Variants in CCDC15 observed in about 807,000 individuals in gnomAD.
CCDC15 encodes coiled-coil domain containing 15, also known as coiled-coil domain-containing protein 15.
A neutral mutation model predicts 114.5 loss-of-function variants in CCDC15; 105 were observed. That is an observed-to-expected ratio of 0.92 (90% CI 0.78 to 1.08). The LOEUF (loss-of-function observed/expected upper bound fraction) is 1.08, where lower values mean the gene tolerates loss of function less well. CCDC15 is among the 50% of genes least tolerant of loss of function. The pLI, the probability that CCDC15 is intolerant of heterozygous loss-of-function variation, is 0.00. For synonymous variants in CCDC15, 334 were observed against 377.8 expected, an observed-to-expected ratio of 0.88 and a Z score of 1.34; for missense variants, 1,105 against 1,093.6, an observed-to-expected ratio of 1.01 and a Z score of -0.15.
rs1948567601 is a variant in CCDC15, at chr11:125,008,625, G to A, written c.2411+3413G>A. 2.0e-5 allele frequency among the ~76,000 whole-genome samples: 3 copies of A among 152,296 alleles called. No individual in the cohort carries two copies. In the South Asian group the frequency reaches 6.2e-4, roughly 32 times the overall value. ...CTTACAGTTTCTTACCATCAAGTAT[G>A]ATGTTAGCTGTACATTTTTTGTAGA... On this transcript the variant is annotated intron_variant, in intron 13 of 15. Transcript: ENST00000344762.
At chr11:124,971,958 C>T (rs973251141) in intron 4 of CCDC15, among the ~76,000 whole-genome samples, 3 of 152,052 alleles carry the variant, frequency 2.0e-5, no homozygotes, top group Admixed American at 6.6e-5. Flanking sequence ...TTTCCACTCC[C>T]GTCCTCTCTT....
chr11:125,024,102 A>G (rs2135537377), intron 13 of CCDC15, among the ~76,000 whole-genome samples: 1 of 152,182 alleles, frequency 6.6e-6, no homozygotes, highest in Admixed American at 6.6e-5. Flanking sequence ...TCATTCATAT[A>G]TATGTGTGTT....
At chr11:124,987,018 T>C in intron 7 of CCDC15, 109 bp from the exon 8 acceptor site, 2 of 1,370,860 alleles carry the variant, frequency 1.5e-6, no homozygotes, top group East Asian at 2.6e-5. Context: ...CATTTTGTTC[T>C]AGTAATTTGC....
Position 124,987,578 on chromosome 11 carries a change from C to A in CCDC15, c.1352C>A (p.Pro451His), listed in dbSNP as rs747326347. The change falls in exon 8 of 16, where the codon CCC (proline) becomes CAC (histidine). Residue 451 changes from proline (P) to histidine (H), a missense_variant. Physicochemically the swap from Pro to His is moderately conservative, Grantham distance 77. Transcript: ENST00000344762. ...LLKYQDQDFL[P>H]RDQHVLHKDQ... is the part of the protein sequence containing the mutation. ...AAATATCAGGACCAGGACTTCCTAC[C>A]CAGAGACCAGCATGTTCTCCACAAA... 5.6e-5 allele frequency: 90 copies of A among 1,613,892 alleles called. No homozygotes were observed. The highest frequency in any genetic ancestry group is 7.6e-5 in the Non-Finnish European group (90 of 1,179,910).
chr11:125,002,248 T>C (rs144592678), intron 11 of CCDC15, among the ~76,000 whole-genome samples: 39 of 152,310 alleles, frequency 2.6e-4, no homozygotes, highest in African/African-American at 9.4e-4. Flanking sequence ...AATTGGGTTA[T>C]TTGCGTTATG....
intron 13 of CCDC15, among the ~76,000 whole-genome samples, chr11:125,020,211 G>T (rs937402716): frequency 2.6e-5 from 4 of 151,928 alleles, no homozygotes; most frequent in Non-Finnish European, 5.9e-5. Context: ...TCCTTGAGAA[G>T]TTATTTTTCC....
rs574489912 is a variant in CCDC15, at chr11:125,020,920, A to G, written c.2411+15708A>G. ...CCTGTGAATCTGACCAAAGCTGTGGATTTTTTTTTTCCTAGGAGAATACCT... is the reference window on the plus strand; with the variant it reads ...CCTGTGAATCTGACCAAAGCTGTGGGTTTTTTTTTTCCTAGGAGAATACCT... On this transcript the variant is annotated intron_variant, in intron 13 of 15. Coordinates refer to ENST00000344762, the MANE Select transcript of CCDC15 (RefSeq NM_025004.3). Among the ~76,000 whole-genome samples the G allele has an allele frequency of 4.0e-4, 60 of 150,138 alleles. 1 individual carries two copies. The highest frequency in any genetic ancestry group is 1.5e-3 in the African/African-American group (60 of 41,052).
At chr11:125,015,061 A>T (rs966837420) in intron 13 of CCDC15, among the ~76,000 whole-genome samples, 16 of 152,204 alleles carry the variant, frequency 1.1e-4, no homozygotes, top group African/African-American at 3.9e-4. Context: ...TTTTGAGAGA[A>T]TAATAATGAA....
chr11:124,960,163 T>A (rs919498345), intron 4 of CCDC15, among the ~76,000 whole-genome samples, 160 bp downstream of exon 4: 1 of 145,898 alleles, frequency 6.9e-6, no homozygotes, highest in South Asian at 2.2e-4. Flanking sequence ...CTTTGTAAAG[T>A]GGGGAATAGT....
chr11:124,963,453 T>C (rs1947710671), intron 4 of CCDC15, among the ~76,000 whole-genome samples: 2 of 152,268 alleles, frequency 1.3e-5, no homozygotes, highest in South Asian at 4.1e-4. Flanking sequence ...TTGAGAAGTG[T>C]CTGTTCATAT....
chr11:124,977,873 T>C (rs1279328785), intron 6 of CCDC15, among the ~76,000 whole-genome samples: 2 of 152,124 alleles, frequency 1.3e-5, no homozygotes, highest in East Asian at 3.9e-4. Flanking sequence ...AAAATAACTT[T>C]TATTTTAGGT....
intron 11 of CCDC15, among the ~76,000 whole-genome samples, chr11:125,003,343 A>G (rs1286533195): frequency 6.6e-6 from 1 of 151,944 alleles, no homozygotes; most frequent in African/African-American, 2.4e-5. Flanking sequence ...TGACCCATGT[A>G]ATGTCCAAGT....
chr11:125,017,423 T>C (rs1394600822), intron 13 of CCDC15, among the ~76,000 whole-genome samples: 1 of 150,758 alleles, frequency 6.6e-6, no homozygotes, highest in African/African-American at 2.5e-5. Flanking sequence ...AAGATTATAG[T>C]GGAGCTGAAA....
chr11:124,966,150 A>G (rs1347046412), intron 4 of CCDC15, among the ~76,000 whole-genome samples: 1 of 152,206 alleles, frequency 6.6e-6, no homozygotes, highest in African/African-American at 2.4e-5. Flanking sequence ...GTAGGTGTCT[A>G]TTAGGTCCAC....
chr11:124,990,746 ATCT>A (rs1948254202), intron 8 of CCDC15, among the ~76,000 whole-genome samples: 1 of 152,156 alleles, frequency 6.6e-6, no homozygotes, highest in African/African-American at 2.4e-5. Context: ...TTTATTTTTA[ATCT>A]TCTTCATTGG....
chr11:125,026,325 T>A (rs1227407489), intron 13 of CCDC15, among the ~76,000 whole-genome samples: 1 of 152,162 alleles, frequency 6.6e-6, no homozygotes, highest in Non-Finnish European at 1.5e-5. Context: ...CTGCCTGGTG[T>A]TAGCAGCACT....
At position 124,962,155 on chromosome 11, in the gene CCDC15, T is replaced by G. The variant is rs111374372; in HGVS notation, c.516+2152T>G. On this transcript the variant is annotated intron_variant, in intron 4 of 15. Coordinates refer to ENST00000344762, the MANE Select transcript of CCDC15 (RefSeq NM_025004.3). ...AATAGATGCTTTCTGATCTTACCAC[T>G]TCTGTTGCAGTTTTTATCCACTAGA... Among the ~76,000 whole-genome samples, 1,215 of 152,268 alleles carry G rather than the reference T, an allele frequency of 8.0e-3. 16 individuals are homozygous for G. Among genetic ancestry groups the G allele is most frequent in the African/African-American group, 0.028 (1,155 of 41,544 alleles).
In CCDC15 at chr11:124,959,715, C is replaced by T; in HGVS notation, c.328-100C>T. 6.7e-6 allele frequency: 4 copies of T among 600,892 alleles called. 1 individual carries two copies. The highest frequency in any genetic ancestry group is 6.4e-5 in the South Asian group (2 of 31,146). 37.2% of individuals were successfully genotyped at this position (600,892 alleles called of 1,614,324 possible). A position where few individuals can be genotyped will look rare whatever the true frequency, so the allele number is the denominator to read the frequency against. ...GCCAGCTAAAGCCTCTCCCCTGCCCCCCACCCCAATTTAAAATCTTCTGAA... is the reference window on the plus strand; with the variant it reads ...GCCAGCTAAAGCCTCTCCCCTGCCCTCCACCCCAATTTAAAATCTTCTGAA... On this transcript the variant is annotated intron_variant, in intron 3 of 15. Transcript: ENST00000344762.
At chr11:124,994,057 A>T (rs551459712) in intron 11 of CCDC15, among the ~76,000 whole-genome samples, 1 of 152,322 alleles carries the variant, frequency 6.6e-6, no homozygotes, top group African/African-American at 2.4e-5. Context: ...TGACTCATTT[A>T]GATTACTTCA....
Sources: gnomAD v4.1 joint callset for allele counts (sites outside exome capture counted in the v4.1 genomes callset) on GRCh38, gnomAD v4.1.1 for gene constraint, MANE v1.5 for transcripts, NCBI Gene and HGNC (gene_info 2026-07-23, HGNC 2026-07-21) for gene names.